Variants in SLC36A1 observed in about 807,000 individuals in gnomAD.
SLC36A1 encodes proton-coupled amino acid transporter 1.
A neutral mutation model predicts 47.5 loss-of-function variants in SLC36A1; 30 were observed. That is an observed-to-expected ratio of 0.63 (90% CI 0.47 to 0.86). The LOEUF (loss-of-function observed/expected upper bound fraction) is 0.86. SLC36A1 is among the 40% of genes least tolerant of loss of function. SLC36A1 has a pLI of 0.00. For missense variants in SLC36A1, 517 were observed against 606.0 expected, an observed-to-expected ratio of 0.85 and a Z score of 1.54; for synonymous variants, 255 against 249.7, an observed-to-expected ratio of 1.02 and a Z score of -0.20.
At chr5:151,523,168 G>A in the SLC36A1 span, among the ~76,000 whole-genome samples, 1 of 152,022 alleles carries the variant, frequency 6.6e-6, no homozygotes, top group African/African-American at 2.4e-5. Flanking sequence ...ACCTACTGCT[G>A]GAAGTCATGC....
intron 1 of SLC36A1, among the ~76,000 whole-genome samples, chr5:151,451,857 A>G (rs1753709943): frequency 6.6e-6 from 1 of 151,924 alleles, no homozygotes; most frequent in Non-Finnish European, 1.5e-5. Flanking sequence ...TCGCAGGGAG[A>G]TTTTAAGGAG....
At chr5:151,445,402 T>C (rs1430753578), upstream of SLC36A1, among the ~76,000 whole-genome samples, 1 of 152,272 alleles carries the variant, frequency 6.6e-6, no homozygotes, top group Non-Finnish European at 1.5e-5. Flanking sequence ...TTGAGGATTT[T>C]GTACCAATGT....
At chr5:151,527,912 G>C in the SLC36A1 span, 1 of 1,535,226 alleles carries the variant, frequency 6.5e-7, no homozygotes, top group Non-Finnish European at 8.9e-7. Flanking sequence ...ATGGGGTCTT[G>C]ACAGCGATTC....
chr5:151,533,334 C>T, the SLC36A1 span, among the ~76,000 whole-genome samples: 1 of 151,428 alleles, frequency 6.6e-6, no homozygotes, highest in East Asian at 2.0e-4. Flanking sequence ...CCAGATCTCT[C>T]CTATCAAACC....
chr5:151,505,720 C>T, the SLC36A1 span: 2 of 1,613,970 alleles, frequency 1.2e-6, no homozygotes, highest in Admixed American at 1.7e-5. Context: ...AGGCGCATAC[C>T]CACCCCCTTG....
intron 7 of SLC36A1, among the ~76,000 whole-genome samples, chr5:151,473,469 C>A (rs1561768658): frequency 6.6e-6 from 1 of 152,114 alleles, no homozygotes; most frequent in Admixed American, 6.5e-5. Flanking sequence ...GTCTTTCCCC[C>A]AAACAAGTGG....
the SLC36A1 span, among the ~76,000 whole-genome samples, chr5:151,388,276 C>T: frequency 2.6e-5 from 4 of 151,998 alleles, no homozygotes; most frequent in East Asian, 1.9e-4. Context: ...CCGAGGTGGG[C>T]GGATCACCTG....
At chr5:151,370,876 C>A in the SLC36A1 span, among the ~76,000 whole-genome samples, 1 of 152,064 alleles carries the variant, frequency 6.6e-6, no homozygotes, top group Non-Finnish European at 1.5e-5. Context: ...GCCTGTAATC[C>A]CAACTACTTG....
chr5:151,463,724 T>A, intron 3 of SLC36A1, 81 bp downstream of exon 3: 1 of 1,039,064 alleles, frequency 9.6e-7, no homozygotes, highest in Non-Finnish European at 1.5e-6. Flanking sequence ...GTACTTGCTT[T>A]AAAACATTTT....
At chr5:151,378,453 G>A in the SLC36A1 span, 1 of 203,910 alleles carries the variant, frequency 4.9e-6, no homozygotes. Flanking sequence ...AGCTATATCT[G>A]TCTTAAGGCA....
chr5:151,464,650 G>A (rs753892281), intron 4 of SLC36A1, 48 bp downstream of exon 4: 44 of 1,540,106 alleles, frequency 2.9e-5, no homozygotes, highest in Non-Finnish European at 3.7e-5. Flanking sequence ...GTCCTTTTGG[G>A]TTCTGTTATC....
intron 1 of SLC36A1, among the ~76,000 whole-genome samples, chr5:151,458,318 ATATATATATATATATGGGATATT>A (rs777315365): frequency 0.13 from 16,433 of 131,176 alleles, 1,389 homozygotes; most frequent in East Asian, 0.4. Flanking sequence ...ATACGTATAT[ATATATATATATATATGGGATATT>A]TATATATATA....
the SLC36A1 span, among the ~76,000 whole-genome samples, chr5:151,368,341 G>T: frequency 6.6e-6 from 1 of 152,248 alleles, no homozygotes; most frequent in Non-Finnish European, 1.5e-5. Flanking sequence ...ACATAATTTA[G>T]CTGCTTTGCT....
chr5:151,414,048 CTT>C, the SLC36A1 span, among the ~76,000 whole-genome samples: 5 of 152,124 alleles, frequency 3.3e-5, no homozygotes, highest in African/African-American at 1.2e-4. Context: ...CAAGTACTTA[CTT>C]TGTTATAAGA....
At chr5:151,371,439 C>T in the SLC36A1 span, among the ~76,000 whole-genome samples, 2 of 152,294 alleles carry the variant, frequency 1.3e-5, no homozygotes, top group Admixed American at 6.5e-5. Flanking sequence ...TACAAACAAC[C>T]TTGCACTGTA....
the SLC36A1 span, chr5:151,381,090 A>G: frequency 4.1e-6 from 2 of 484,576 alleles, no homozygotes; most frequent in Admixed American, 5.4e-5. Flanking sequence ...CCACACGACC[A>G]TGTCACCACC....
the SLC36A1 span, among the ~76,000 whole-genome samples, chr5:151,399,084 A>ATATATATTT: frequency 9.0e-4 from 54 of 60,040 alleles, 1 homozygote; most frequent in African/African-American, 2.9e-3. Context: ...ATATATATAT[A>ATATATATTT]TTTTTTTTTT....
downstream of SLC36A1, among the ~76,000 whole-genome samples, chr5:151,493,464 A>T (rs547904793): frequency 6.6e-5 from 10 of 152,314 alleles, no homozygotes; most frequent in East Asian, 1.9e-3. Context: ...AAAATTTTAA[A>T]TCAGGGTTCC....
chr5:151,527,904 G>A, the SLC36A1 span: 5 of 1,494,700 alleles, frequency 3.3e-6, no homozygotes, highest in Non-Finnish European at 4.5e-6. Context: ...GTTTCAGGAT[G>A]GGGTCTTGAC....
Sources: gnomAD v4.1 joint callset for allele counts (sites outside exome capture counted in the v4.1 genomes callset) on GRCh38, gnomAD v4.1.1 for gene constraint, MANE v1.5 for transcripts, NCBI Gene and HGNC (gene_info 2026-07-23, HGNC 2026-07-21) for gene names.